UBR4: variants seen among roughly 807,000 people sequenced by gnomAD.
UBR4 encodes the protein E3 ubiquitin-protein ligase UBR4.
A neutral mutation model predicts 575.6 loss-of-function variants in UBR4; 124 were observed. That is an observed-to-expected ratio of 0.22 (90% confidence interval 0.19 to 0.25). UBR4 has a LOEUF of 0.25. Ranked by LOEUF, UBR4 falls within the 10% of genes least tolerant of loss-of-function variation. The pLI is 1.00. For synonymous variants in UBR4, 2,455 were observed against 2,473.7 expected, an observed-to-expected ratio of 0.99 and a Z score of 0.22; for missense variants, 4,818 against 6,478.8, an observed-to-expected ratio of 0.74 and a Z score of 8.80.
chr1:19,100,644 C>G lies in UBR4; in HGVS notation c.13024-71G>C. On this transcript the variant is annotated intron_variant, in intron 88 of 105. Coordinates refer to ENST00000375254, the MANE Select transcript of UBR4 (RefSeq NM_020765.3). This position sits in a 1 kb window ranked among gnomAD's most constrained non-coding sequence, Gnocchi z 4.2. ...GAGATTTATACCATGCTACCTTGTTCCATGGACACTCGAGGAAAACACACC... is the reference window on the plus strand; with the variant it reads ...GAGATTTATACCATGCTACCTTGTTGCATGGACACTCGAGGAAAACACACC... The G allele has an allele frequency of 6.8e-7, 1 of 1,464,400 alleles. No homozygotes were observed. Among genetic ancestry groups the G allele is most frequent in the Non-Finnish European group, 9.5e-7 (1 of 1,051,288 alleles). 90.7% of individuals were successfully genotyped at this position (1,464,400 alleles called of 1,614,324 possible).
At position 19,163,751 on chromosome 1, in the gene UBR4, T is replaced by C. The variant is rs1464145065; in HGVS notation, c.4764+13A>G. 1 of 1,613,890 alleles carries C rather than the reference T, an allele frequency of 6.2e-7. No homozygotes were observed. Among genetic ancestry groups the C allele is most frequent in the Non-Finnish European group, 8.5e-7 (1 of 1,179,778 alleles). ...TCCCTTCACCCCCCATTGTCATTCC[T>C]CACTTTTCTTACCTTTCCATGCATT... On this transcript the variant is annotated intron_variant, in intron 34 of 105. Coordinates refer to ENST00000375254, the MANE Select transcript of UBR4 (RefSeq NM_020765.3).
rs770813058 is a variant in UBR4, at chr1:19,145,508, G to GAGACACACACACACACACACACACACAC, written c.7945+284_7945+285insGTGTGTGTGTGTGTGTGTGTGTGTGTCT. ...TTTAAAAACAATTATAAACCACTGA[G>GAGACACACACACACACACACACACACAC]ACACACACACACACACACACACACA... On this transcript the variant is annotated intron_variant, in intron 53 of 105. Coordinates refer to ENST00000375254, the MANE Select transcript of UBR4 (RefSeq NM_020765.3). Among the ~76,000 whole-genome samples the GAGACACACACACACACACACACACACAC allele has an allele frequency of 4.8e-5, 7 of 144,996 alleles. No homozygotes were observed. The Admixed American group carries it at 4.8e-4, about 10-fold the overall frequency.
At position 19,193,440 on chromosome 1, in the gene UBR4, T is replaced by C. The variant is rs2151479328; in HGVS notation, c.1136A>G (p.Gln379Arg). 6.2e-7 allele frequency: 1 copy of C among 1,614,100 alleles called. No individual in the cohort carries two copies. The highest frequency in any genetic ancestry group is 2.2e-5 in the East Asian group (1 of 44,880). The part of the protein sequence containing the change: ...DYESDAATIV[Q>R]KCLEIYDMIG... Reference sequence around the variant, plus strand: ...CCCAGATCTTTGGCTTACACATTTCTGGACAATTGTAGCTGCGTCACTTTC... The same window carrying C: ...CCCAGATCTTTGGCTTACACATTTCCGGACAATTGTAGCTGCGTCACTTTC... Residue 379 changes from glutamine to arginine, a missense_variant, in exon 9 of 106, where the codon CAG becomes CGG. Transcript: ENST00000375254.
At chr1:19,178,989 A>C (rs2090588729) in intron 18 of UBR4, 62 bp downstream of exon 18, 2 of 1,575,580 alleles carry the variant, frequency 1.3e-6, no homozygotes, top group Non-Finnish European at 1.7e-6. Context: ...AACTACAAAG[A>C]AGTCAAACAA....
At chr1:19,207,656 T>G (rs1193165261) in intron 1 of UBR4, among the ~76,000 whole-genome samples, 1 of 152,046 alleles carries the variant, frequency 6.6e-6, no homozygotes, top group African/African-American at 2.4e-5. Flanking sequence ...AATAAAACTT[T>G]TGAAAACCAG....
At chr1:19,150,927 A>G in intron 48 of UBR4, 134 bp from the exon 49 acceptor site, 1 of 871,570 alleles carries the variant, frequency 1.1e-6, no homozygotes, top group Non-Finnish European at 1.8e-6. Context: ...TTATCTTCTG[A>G]GATATTTGCA....
At chr1:19,165,083 GAAATGGCTTCAAAGC>G (rs1354477159) in intron 31 of UBR4, 86 bp from the exon 32 acceptor site, 1 of 1,559,370 alleles carries the variant, frequency 6.4e-7, no homozygotes, top group Non-Finnish European at 8.8e-7. Context: ...AGGAAAAGGG[GAAATGGCTTCAAAGC>G]AAGTTTTCAA....
intron 74 of UBR4, 133 bp downstream of exon 74, chr1:19,115,265 C>A: frequency 7.4e-7 from 1 of 1,346,912 alleles, no homozygotes; most frequent in Non-Finnish European, 9.9e-7. Flanking sequence ...TACCCTTGAA[C>A]CCACTCTACA....
intron 81 of UBR4, among the ~76,000 whole-genome samples, chr1:19,109,144 C>A (rs1173624318): frequency 6.6e-6 from 1 of 152,202 alleles, no homozygotes; most frequent in Middle Eastern, 3.2e-3. Context: ...GCCATGAGGA[C>A]TCTGTTGCCC....
In UBR4 at chr1:19,114,133, C is replaced by A; in HGVS notation, c.11203-63G>T. 3.2e-6 allele frequency: 5 copies of A among 1,577,700 alleles called. No individual in the cohort carries two copies. The South Asian group carries it at 4.6e-5, about 15-fold the overall frequency. ...TGGCTGATGACTTTCCCTGAGTAAT[C>A]CTCACTGCTAACCATTTACCAGAAC... On this transcript the variant is annotated intron_variant, in intron 75 of 105. Transcript: ENST00000375254.
chr1:19,087,797 G>A lies in UBR4; in HGVS notation c.14544+19C>T, dbSNP rs371629075. ...TCAGGCTGGGCCCTCAGGACCGACC[G>A]TAGGCCCAGCAGCTGTACCTGGAAC... On this transcript the variant is annotated intron_variant, in intron 99 of 105. Transcript: ENST00000375254. 107 of 1,597,256 alleles carry A rather than the reference G, an allele frequency of 6.7e-5. No individual in the cohort carries two copies. Among genetic ancestry groups the A allele is most frequent in the Middle Eastern group, 5.7e-4 (3 of 5,272 alleles).
At chr1:19,099,453 A>T in intron 90 of UBR4, 144 bp downstream of exon 90, 1 of 670,786 alleles carries the variant, frequency 1.5e-6, no homozygotes, top group Non-Finnish European at 2.5e-6. Context: ...GGTTTTCTCC[A>T]CACAACCCCA....
intron 59 of UBR4, 124 bp downstream of exon 59, chr1:19,138,959 C>G (rs1441993848): frequency 8.0e-7 from 1 of 1,243,130 alleles, no homozygotes; most frequent in Non-Finnish European, 1.1e-6. Flanking sequence ...AGAGAGTCCA[C>G]AAGACTTTCA....
rs1274345605 is a variant in UBR4, at chr1:19,185,187, A to T, written c.1850T>A (p.Leu617Gln). 1 of 1,614,052 alleles carries T rather than the reference A, an allele frequency of 6.2e-7. No homozygotes were observed. Among genetic ancestry groups the T allele is most frequent in the East Asian group, 2.2e-5 (1 of 44,870 alleles). Residue 617 changes from leucine (L) to glutamine (Q), a missense_variant, in exon 15 of 106, where the codon CTG becomes CAG. Around this residue, in one of 29 missense-constraint regions of UBR4, gnomAD observed 1,172 missense variants for 1,259.7 expected, o/e 0.93. Transcript: ENST00000375254. Reference protein sequence around the residue: ...APPPPPPPPPLESSPRVKSPS... With the variant: ...APPPPPPPPPQESSPRVKSPS... ...GCTTTTAACCCGAGGAGAGCTTTCCAGTGGAGGAGGTGGGGGAGGAGGCGG... is the reference window on the plus strand; with the variant it reads ...GCTTTTAACCCGAGGAGAGCTTTCCTGTGGAGGAGGTGGGGGAGGAGGCGG...
In UBR4 at chr1:19,173,324, A is replaced by G. The variant is rs1264418998; in HGVS notation, c.3166-18T>C. On this transcript the variant is annotated intron_variant, in intron 23 of 105. Transcript: ENST00000375254. ...AGGTGATCCTATTTGGACAGCAAGA[A>G]AAAGTGTTTAGGAGATGACTATAGG... The G allele has an allele frequency of 5.0e-6, 8 of 1,614,044 alleles. No individual in the cohort carries two copies. The highest frequency in any genetic ancestry group is 1.7e-5 in the Admixed American group (1 of 59,988).
intron 51 of UBR4, 25 bp from the exon 52 acceptor site, chr1:19,147,025 G>A: frequency 6.4e-7 from 1 of 1,561,546 alleles, no homozygotes; most frequent in South Asian, 1.2e-5. Flanking sequence ...GAGCACAGAG[G>A]GTCAGCCATA....
At position 19,127,742 on chromosome 1, in the gene UBR4, G is replaced by A. The variant is rs1240526363; in HGVS notation, c.9112-3C>T. ...CGCTCATTCTTCTTGGAGACATCCT[G>A]CAGGCCAAAGCGTAAGTCCAGAAAC... On this transcript the variant is annotated splice_polypyrimidine_tract_variant and splice_region_variant and intron_variant, in intron 62 of 105. Transcript: ENST00000375254. The A allele has an allele frequency of 6.2e-7, 1 of 1,612,646 alleles. No homozygotes were observed. The highest frequency in any genetic ancestry group is 8.5e-7 in the Non-Finnish European group (1 of 1,178,800).
intron 43 of UBR4, 139 bp downstream of exon 43, chr1:19,155,302 A>G: frequency 3.7e-6 from 4 of 1,075,604 alleles, no homozygotes; most frequent in Non-Finnish European, 5.3e-6. Context: ...AGTTAGATGG[A>G]AAAACAAAGA....
Position 19,124,634 on chromosome 1 carries a change from C to T in UBR4, c.9495G>A (p.Leu3165=). ...TCTTTTTGATTTGGTAAGGAAGCCT[C>T]AGTACCATTTCTGTTAGAAGCTGAG... ...AYTQLLTEMV[L]RLPYQIKKIT... Residue 3165 remains leucine (L), a synonymous_variant, in exon 65 of 106, where the codon CTG becomes CTA. Coordinates refer to ENST00000375254, the MANE Select transcript of UBR4 (RefSeq NM_020765.3). 2 of 1,614,198 alleles carry T rather than the reference C, an allele frequency of 1.2e-6. No homozygotes were observed. The highest frequency in any genetic ancestry group is 1.3e-5 in the African/African-American group (1 of 75,050).
Sources: gnomAD v4.1 joint callset for allele counts (sites outside exome capture counted in the v4.1 genomes callset) on GRCh38, gnomAD v4.1.1 for gene constraint, gnomAD v4.1.1 regional missense constraint, Gnocchi (gnomAD v3.1) non-coding constraint, MANE v1.5 for transcripts, NCBI Gene and HGNC (gene_info 2026-07-23, HGNC 2026-07-21) for gene names.